The following SCHIP1 variants were observed in gnomAD, a reference collection of about 807,000 sequenced individuals.
The protein encoded by SCHIP1 is schwannomin interacting protein 1.
Under a neutral mutation model 29.7 loss-of-function variants are expected in SCHIP1, and 8 were observed. The observed-to-expected ratio is 0.27, with a 90% CI of 0.16 to 0.49. The LOEUF is 0.49. SCHIP1 is among the 20% of genes least tolerant of loss of function. The pLI, the probability that SCHIP1 is intolerant of heterozygous loss-of-function variation, is 0.99. For missense variants in SCHIP1, 193 were observed against 294.6 expected (o/e 0.66, Z 2.52); for synonymous variants, 76 against 94.9 (o/e 0.80, Z 1.16).
chr3:159,427,065 C>G, the SCHIP1 span, among the ~76,000 whole-genome samples: 1 of 152,158 alleles, frequency 6.6e-6, no homozygotes. Flanking sequence ...ATGACAAACC[C>G]ACAGCCAATA....
chr3:159,300,569 C>T, the SCHIP1 span, among the ~76,000 whole-genome samples: 1 of 152,184 alleles, frequency 6.6e-6, no homozygotes, highest in African/African-American at 2.4e-5. Context: ...CTGCAATTAA[C>T]ATTTGGCCAA....
chr3:159,613,122 C>G, the SCHIP1 span, among the ~76,000 whole-genome samples: 1 of 152,170 alleles, frequency 6.6e-6, no homozygotes, highest in African/African-American at 2.4e-5. Context: ...AATGAAAACA[C>G]TTTGTCACTC....
chr3:159,513,472 T>C, the SCHIP1 span, among the ~76,000 whole-genome samples: 3 of 125,810 alleles, frequency 2.4e-5, no homozygotes, highest in African/African-American at 1.1e-4. Flanking sequence ...TTGTTTTCTT[T>C]TGCCTTTTTA....
the SCHIP1 span, among the ~76,000 whole-genome samples, chr3:159,389,749 G>T: frequency 6.6e-6 from 1 of 151,940 alleles, no homozygotes. Context: ...GAGGTTTCTG[G>T]ATATTCTTCC....
chr3:159,453,337 T>C, the SCHIP1 span, among the ~76,000 whole-genome samples: 1 of 152,216 alleles, frequency 6.6e-6, no homozygotes, highest in Admixed American at 6.5e-5. Flanking sequence ...TCCAGGGAGA[T>C]AAGCCATATG....
At chr3:159,869,763 G>A (rs1715049062) in intron 2 of SCHIP1, among the ~76,000 whole-genome samples, 1 of 151,752 alleles carries the variant, frequency 6.6e-6, no homozygotes, top group Non-Finnish European at 1.5e-5. Context: ...AATTTTGACT[G>A]TAATTGCATT....
At chr3:159,840,241 C>G (rs1385350075) in intron 1 of SCHIP1, 1 of 1,523,676 alleles carries the variant, frequency 6.6e-7, no homozygotes, top group East Asian at 2.4e-5. Flanking sequence ...GATTCTGAGG[C>G]CGGCATCCTT....
At chr3:159,814,428 A>T in the SCHIP1 span, among the ~76,000 whole-genome samples, 3 of 152,222 alleles carry the variant, frequency 2.0e-5, no homozygotes, top group African/African-American at 7.2e-5. Context: ...CCAGTGCTCT[A>T]TAAGGTTTCT....
At chr3:159,557,442 G>GA in the SCHIP1 span, among the ~76,000 whole-genome samples, 1 of 152,026 alleles carries the variant, frequency 6.6e-6, no homozygotes, top group Admixed American at 6.6e-5. Flanking sequence ...GAAGGACTAG[G>GA]AAAAAATGGA....
the SCHIP1 span, among the ~76,000 whole-genome samples, chr3:159,740,771 G>GAAAAAAAAAA: frequency 1.4e-4 from 15 of 104,906 alleles, no homozygotes; most frequent in Non-Finnish European, 1.8e-4. Context: ...CAAAAAAAAA[G>GAAAAAAAAAA]AAAAAAAAAA....
chr3:159,567,194 ATTGT>A, the SCHIP1 span, among the ~76,000 whole-genome samples: 4 of 151,844 alleles, frequency 2.6e-5, no homozygotes, highest in Admixed American at 1.3e-4. Flanking sequence ...TTTCTATTAC[ATTGT>A]TTCTTTTTTT....
the SCHIP1 span, among the ~76,000 whole-genome samples, chr3:159,824,480 T>C: frequency 6.6e-6 from 1 of 152,128 alleles, no homozygotes; most frequent in Non-Finnish European, 1.5e-5. Flanking sequence ...AAGAACAAAC[T>C]CCCTACACAG....
At chr3:159,864,553 A>G (rs1156767898) in intron 1 of SCHIP1, among the ~76,000 whole-genome samples, 1 of 151,646 alleles carries the variant, frequency 6.6e-6, no homozygotes, top group Non-Finnish European at 1.5e-5. Context: ...TCATTGATAC[A>G]TGCTAAAAGG....
chr3:159,602,448 T>C, the SCHIP1 span, among the ~76,000 whole-genome samples: 44 of 152,294 alleles, frequency 2.9e-4, no homozygotes, highest in South Asian at 1.0e-3. Context: ...TGGTGGCTCA[T>C]ACTTGTAATC....
the SCHIP1 span, among the ~76,000 whole-genome samples, chr3:159,638,628 AAAAC>A: frequency 6.6e-6 from 1 of 151,810 alleles, no homozygotes; most frequent in African/African-American, 2.4e-5. Flanking sequence ...AAAAAAAAAA[AAAAC>A]AGCTAGAGGG....
At chr3:159,421,714 C>T in the SCHIP1 span, among the ~76,000 whole-genome samples, 236 of 152,222 alleles carry the variant, frequency 1.6e-3, no homozygotes, top group Non-Finnish European at 2.1e-3. Flanking sequence ...TATTGCTCTT[C>T]ACCACTGGAG....
chr3:159,463,057 A>G, the SCHIP1 span, among the ~76,000 whole-genome samples: 1 of 151,876 alleles, frequency 6.6e-6, no homozygotes, highest in African/African-American at 2.4e-5. Flanking sequence ...GAATATTGTC[A>G]ATCAATATTA....
chr3:159,582,787 T>TACACACACACACACAC, the SCHIP1 span, among the ~76,000 whole-genome samples: 3 of 144,138 alleles, frequency 2.1e-5, no homozygotes, highest in Admixed American at 7.0e-5. Context: ...AATATATATA[T>TACACACACACACACAC]ACACACACAC....
At chr3:159,814,236 C>T in the SCHIP1 span, among the ~76,000 whole-genome samples, 1 of 152,142 alleles carries the variant, frequency 6.6e-6, no homozygotes, top group Non-Finnish European at 1.5e-5. Context: ...CCACTTTGAA[C>T]GCCCAGCCCC....
Sources: allele counts gnomAD v4.1 joint callset (sites outside exome capture counted in the v4.1 genomes callset), GRCh38; gene constraint gnomAD v4.1.1; transcripts MANE v1.5; gene names NCBI Gene and HGNC (gene_info 2026-07-23, HGNC 2026-07-21).